CAPZB: variants seen among roughly 807,000 people sequenced by gnomAD.
The protein encoded by CAPZB is capping actin protein of muscle Z-line subunit beta.
In CAPZB, 2 loss-of-function variants were observed where a neutral mutation model predicts 38.1. The ratio of observed to expected loss-of-function variants is 0.05; its 90% CI spans 0.02 to 0.17. The LOEUF is 0.17. CAPZB is among the 10% of genes least tolerant of loss of function. CAPZB has a pLI of 1.00. For missense variants in CAPZB, 161 were observed against 334.2 expected, an observed-to-expected ratio of 0.48 and a Z score of 4.04; for synonymous variants, 107 against 127.4, an observed-to-expected ratio of 0.84 and a Z score of 1.08.
intron 1 of CAPZB, among the ~76,000 whole-genome samples, chr1:19,465,727 T>C (rs908760915): frequency 3.3e-5 from 5 of 152,032 alleles, no homozygotes; most frequent in African/African-American, 1.2e-4. Flanking sequence ...AAACCATCTA[T>C]CTCCTCTCCT....
chr1:19,348,555 C>G (rs988910285), intron 6 of CAPZB, among the ~76,000 whole-genome samples: 1 of 152,066 alleles, frequency 6.6e-6, no homozygotes, highest in Non-Finnish European at 1.5e-5. Flanking sequence ...TGGCAGGGCT[C>G]TGAAGGCCTG....
At chr1:19,445,232 A>G (rs2094492278) in intron 1 of CAPZB, among the ~76,000 whole-genome samples, 1 of 152,184 alleles carries the variant, frequency 6.6e-6, no homozygotes, top group South Asian at 2.1e-4. Flanking sequence ...TGGGAATAAG[A>G]CTTATGTGAC....
Position 19,385,603 on chromosome 1 carries a change from G to A in CAPZB, c.117C>T (p.Leu39=), listed in dbSNP as rs2094199691. The A allele has an allele frequency of 6.2e-7, 1 of 1,614,178 alleles. No homozygotes were observed. The highest frequency in any genetic ancestry group is 1.1e-5 in the South Asian group (1 of 91,082). ...TCAGTGGCTGGTCAACAGAAGACAGGAGATCCTCACATAGACTGGGGACCT... is the reference window on the plus strand; with the variant it reads ...TCAGTGGCTGGTCAACAGAAGACAGAAGATCCTCACATAGACTGGGGACCT... ...IDLVPSLCED[L]LSSVDQPLKI... is the part of the protein sequence containing the mutation. Residue 39 remains leucine, a synonymous_variant, in exon 3 of 9, where the codon CTC becomes CTT. Transcript: ENST00000264202.
chr1:19,430,715 C>T lies in CAPZB; in HGVS notation c.4-10965G>A, dbSNP rs376800468. The stretch of plus-strand genomic sequence containing the variant: ...AGCACACAGCTGGCGGCCGCCCACC[C>T]GCACCCGCACCTGCACCCGCACCTC... On this transcript the variant is annotated intron_variant, in intron 1 of 8. Transcript: ENST00000264202. 3.8e-4 allele frequency among the ~76,000 whole-genome samples: 58 copies of T among 152,234 alleles called. 1 individual carries two copies. The highest frequency in any genetic ancestry group is 1.2e-3 in the African/African-American group (48 of 41,546).
intron 2 of CAPZB, among the ~76,000 whole-genome samples, chr1:19,417,721 T>A (rs1255449423): frequency 6.6e-6 from 1 of 152,030 alleles, no homozygotes; most frequent in Non-Finnish European, 1.5e-5. Flanking sequence ...ACAAAGGACA[T>A]CTCCTCTAAC....
rs559373051 is a variant in CAPZB at position 19,361,764 on chromosome 1, T to G, written c.330-4201A>C. 3.3e-5 allele frequency among the ~76,000 whole-genome samples: 5 copies of G among 152,358 alleles called. No individual in the cohort carries two copies. The South Asian group carries it at 8.3e-4, about 25-fold the overall frequency. On this transcript the variant is annotated intron_variant, in intron 4 of 8. Transcript: ENST00000264202. The stretch of plus-strand genomic sequence containing the variant: ...GTATTTTAAGAATGTGCTAAAACGT[T>G]GTCTGAAACCACATAAAGCCATCTG...
intron 1 of CAPZB, among the ~76,000 whole-genome samples, chr1:19,420,638 C>G (rs968814877): frequency 4.6e-5 from 7 of 151,906 alleles, no homozygotes; most frequent in African/African-American, 1.7e-4. Context: ...GCCATATTGC[C>G]CAGGGTGGTC....
At chr1:19,381,120 G>T (rs1219133344) in intron 3 of CAPZB, among the ~76,000 whole-genome samples, 1 of 152,104 alleles carries the variant, frequency 6.6e-6, no homozygotes, top group African/African-American at 2.4e-5. Flanking sequence ...AGTGAGCTGA[G>T]ATCGCGCCAC....
At chr1:19,467,393 C>G (rs1010954548) in intron 1 of CAPZB, among the ~76,000 whole-genome samples, 1 of 152,154 alleles carries the variant, frequency 6.6e-6, no homozygotes, top group Non-Finnish European at 1.5e-5. Flanking sequence ...TCCCCTCCAG[C>G]GGCTCAGCTC....
intron 6 of CAPZB, among the ~76,000 whole-genome samples, chr1:19,348,534 A>G (rs962087706): frequency 4.6e-5 from 7 of 152,068 alleles, no homozygotes; most frequent in African/African-American, 1.4e-4. Context: ...TAGGGGAGAC[A>G]CAAGAGATTC....
At chr1:19,416,515 C>T (rs902758195) in intron 2 of CAPZB, among the ~76,000 whole-genome samples, 27 of 152,114 alleles carry the variant, frequency 1.8e-4, no homozygotes, top group Non-Finnish European at 2.8e-4. Flanking sequence ...CCAGCTTAGT[C>T]CTGGGCACAC....
At chr1:19,351,415 C>A (rs1243478661) in intron 6 of CAPZB, among the ~76,000 whole-genome samples, 7 of 152,064 alleles carry the variant, frequency 4.6e-5, no homozygotes, top group Non-Finnish European at 1.0e-4. Flanking sequence ...TCAAGTGATC[C>A]TCCCATCTCA....
intron 2 of CAPZB, among the ~76,000 whole-genome samples, chr1:19,415,859 T>C (rs897212699): frequency 1.3e-5 from 2 of 152,276 alleles, no homozygotes; most frequent in Non-Finnish European, 2.9e-5. Flanking sequence ...AATATAGTTT[T>C]AATGAGGCAT....
intron 1 of CAPZB, among the ~76,000 whole-genome samples, chr1:19,427,079 C>T (rs565163417): frequency 6.6e-6 from 1 of 152,322 alleles, no homozygotes; most frequent in South Asian, 2.1e-4. Context: ...GACTACGTTT[C>T]CTAGCTGGGG....
rs139570473 is a variant in CAPZB, at chr1:19,477,843, C to T, written c.3+7593G>A. 8.3e-4 allele frequency among the ~76,000 whole-genome samples: 126 copies of T among 152,344 alleles called. 1 individual carries two copies. The highest frequency in any genetic ancestry group is 3.0e-3 in the African/African-American group (123 of 41,566). On this transcript the variant is annotated intron_variant, in intron 1 of 8. Transcript: ENST00000264202. ...CAAGCGATCCTCCCACCTCAGCCTC[C>T]TGAGTAGCTGGGACCACTGACACAC...
chr1:19,394,884 T>C (rs2094257764), intron 2 of CAPZB, among the ~76,000 whole-genome samples: 1 of 152,194 alleles, frequency 6.6e-6, no homozygotes, highest in South Asian at 2.1e-4. Flanking sequence ...AGTTTGAATT[T>C]TGATCTTTTC....
At chr1:19,443,165 T>C (rs11588363) in intron 1 of CAPZB, among the ~76,000 whole-genome samples, 31,313 of 151,446 alleles carry the variant, frequency 0.21, 4,479 homozygotes, top group African/African-American at 0.41. Flanking sequence ...GCTGGGAGGA[T>C]GGCTTGAGCC....
At chr1:19,458,855 G>A (rs1193211983) in intron 1 of CAPZB, among the ~76,000 whole-genome samples, 1 of 152,214 alleles carries the variant, frequency 6.6e-6, no homozygotes, top group Non-Finnish European at 1.5e-5. Context: ...GAAACAAAAT[G>A]ACCAAAGTCA....
intron 1 of CAPZB, among the ~76,000 whole-genome samples, chr1:19,439,741 A>G (rs1272936970): frequency 1.3e-5 from 2 of 152,218 alleles, no homozygotes; most frequent in African/African-American, 2.4e-5. Context: ...TGTCCTGCAC[A>G]TGGCACGCTT....
Sources: allele counts gnomAD v4.1 joint callset (sites outside exome capture counted in the v4.1 genomes callset), GRCh38; gene constraint gnomAD v4.1.1; transcripts MANE v1.5; gene names NCBI Gene and HGNC (gene_info 2026-07-23, HGNC 2026-07-21).